The following PRDM16 variants were observed in gnomAD, a reference collection of about 807,000 sequenced individuals.
PRDM16 encodes the protein PR/SET domain 16, also known as histone-lysine N-methyltransferase PRDM16.
PRDM16 carries 23 observed loss-of-function variants against 110.6 expected under a neutral mutation model. That is an observed-to-expected ratio of 0.21 (90% CI 0.15 to 0.29). The LOEUF (loss-of-function observed/expected upper bound fraction) is 0.29, where lower values mean the gene tolerates loss of function less well. Ranked by LOEUF, PRDM16 falls within the 10% of genes least tolerant of loss-of-function variation. The probability of loss-of-function intolerance (pLI) is 1.00; values close to 1 mark genes in which losing one functional copy is unlikely to be tolerated. For missense variants in PRDM16, 1,615 were observed against 1,794.3 expected (o/e 0.90, Z 1.81); for synonymous variants, 799 against 781.8 (o/e 1.02, Z -0.37).
Position 3,175,195 on chromosome 1 carries a change from A to C in PRDM16, c.38-10930A>C, listed in dbSNP as rs1644071305. On this transcript the variant is annotated intron_variant, in intron 1 of 16. Transcript: ENST00000270722. The surrounding 1 kb of genome is among the most constrained non-coding windows in gnomAD (Gnocchi z 4.8). ...CAGAAGAACAAGATAGAACTCCATCAGTTCCCAAGTTTCTCTTTCTAGCAA... is the reference window on the plus strand; with the variant it reads ...CAGAAGAACAAGATAGAACTCCATCCGTTCCCAAGTTTCTCTTTCTAGCAA... Among the ~76,000 whole-genome samples the C allele has an allele frequency of 6.6e-6, 1 of 152,232 alleles. No individual in the cohort carries two copies. The highest frequency in any genetic ancestry group is 2.4e-5 in the African/African-American group (1 of 41,472).
chr1:3,231,031 C>T (rs1016933438), intron 2 of PRDM16, among the ~76,000 whole-genome samples: 1 of 152,144 alleles, frequency 6.6e-6, no homozygotes, highest in African/African-American at 2.4e-5. Flanking sequence ...GACATGAGTG[C>T]CCTCTTATCT....
intron 3 of PRDM16, among the ~76,000 whole-genome samples, chr1:3,372,456 GAC>G (rs1329522470): frequency 6.6e-6 from 1 of 152,228 alleles, no homozygotes. Context: ...TTATGAATGT[GAC>G]ACTTCCCAGG....
intron 3 of PRDM16, among the ~76,000 whole-genome samples, chr1:3,352,446 G>A (rs1267458949): frequency 6.6e-6 from 1 of 152,210 alleles, no homozygotes; most frequent in Non-Finnish European, 1.5e-5. Context: ...AGTGGGCTGG[G>A]GGAGGGGACA....
At chr1:3,077,220 C>T (rs1641919197) in intron 1 of PRDM16, among the ~76,000 whole-genome samples, 1 of 152,204 alleles carries the variant, frequency 6.6e-6, no homozygotes, top group South Asian at 2.1e-4. Context: ...GGCGAGGTCT[C>T]CCGTGGGCCC....
At chr1:3,156,060 C>T (rs1294843609) in intron 1 of PRDM16, among the ~76,000 whole-genome samples, 2 of 152,166 alleles carry the variant, frequency 1.3e-5, no homozygotes, top group African/African-American at 4.8e-5. Flanking sequence ...TAATCCAGGA[C>T]CATTTGCAAA....
chr1:3,365,730 G>A (rs536553539), intron 3 of PRDM16, among the ~76,000 whole-genome samples: 47 of 152,318 alleles, frequency 3.1e-4, no homozygotes, highest in Non-Finnish European at 2.6e-4. Flanking sequence ...ACCTCGCCGC[G>A]GCCTCGTTTC....
In PRDM16 at chr1:3,364,273, G is replaced by A. The variant is rs532394648; in HGVS notation, c.439-20879G>A. On this transcript the variant is annotated intron_variant, in intron 3 of 16. Transcript: ENST00000270722. The stretch of plus-strand genomic sequence containing the variant: ...TTTCCTTCGGCGTGAGGTCCTGGGC[G>A]GAGGTCTGTATTGTGGGTGGTTTAT... Among the ~76,000 whole-genome samples the A allele has an allele frequency of 1.4e-3, 213 of 152,348 alleles. 1 individual carries two copies. The highest frequency in any genetic ancestry group is 4.7e-3 in the African/African-American group (196 of 41,570).
intron 3 of PRDM16, among the ~76,000 whole-genome samples, chr1:3,273,994 A>G (rs1640526370): frequency 6.6e-6 from 1 of 151,408 alleles, no homozygotes; most frequent in East Asian, 1.9e-4. Flanking sequence ...AAAAAAAAAA[A>G]AAAAAGCCAC....
chr1:3,211,099 T>G (rs1638872665), intron 2 of PRDM16, among the ~76,000 whole-genome samples: 1 of 152,238 alleles, frequency 6.6e-6, no homozygotes, highest in Admixed American at 6.5e-5. Flanking sequence ...ATTCACCCAC[T>G]AGGCATCTAT....
intron 4 of PRDM16, among the ~76,000 whole-genome samples, chr1:3,385,658 A>C (rs760532488): frequency 3.9e-5 from 6 of 152,234 alleles, no homozygotes; most frequent in Non-Finnish European, 7.3e-5. Flanking sequence ...GAGCAGGAAC[A>C]GTCACTGAAA....
At chr1:3,360,850 G>A (rs952858446) in intron 3 of PRDM16, among the ~76,000 whole-genome samples, 9 of 152,230 alleles carry the variant, frequency 5.9e-5, no homozygotes, top group Admixed American at 3.9e-4. Flanking sequence ...CTCAGGCCCT[G>A]CTGGGACCAG....
At chr1:3,260,959 C>T (rs564211735) in intron 3 of PRDM16, among the ~76,000 whole-genome samples, 122 of 151,054 alleles carry the variant, frequency 8.1e-4, no homozygotes, top group African/African-American at 2.7e-3. Context: ...CATCAACCAG[C>T]GTGACCTGGG....
In PRDM16 at chr1:3,152,354, ATCCATC is replaced by A. The variant is rs1179319294; in HGVS notation, c.38-33770_38-33765del. Among the ~76,000 whole-genome samples the A allele has an allele frequency of 5.7e-5, 5 of 87,482 alleles. No homozygotes were observed. The East Asian group carries it at 1.1e-3, about 20-fold the overall frequency. The allele number at this position is 87,482 out of a possible 152,430, so 57.4% of individuals were successfully genotyped here. A position where few individuals can be genotyped will look rare whatever the true frequency, so the allele number is the denominator to read the frequency against. On this transcript the variant is annotated intron_variant, in intron 1 of 16. Transcript: ENST00000270722. ...CATCCATTTATCTATGCATTCATCC[ATCCATC>A]CATCCATCCATCCATCCATCCATTT...
chr1:3,353,413 A>G lies in PRDM16; in HGVS notation c.439-31739A>G, dbSNP rs917078940. On this transcript the variant is annotated intron_variant, in intron 3 of 16. Transcript: ENST00000270722. This position sits in a 1 kb window ranked among gnomAD's most constrained non-coding sequence, Gnocchi z 5.4. ...CATCTGAAATTGGACCCGAATGCGC[A>G]TGGGGACACCATCCTGCAGCCTCTG... Among the ~76,000 whole-genome samples the G allele has an allele frequency of 7.9e-5, 12 of 152,124 alleles. No individual in the cohort carries two copies. Among genetic ancestry groups the G allele is most frequent in the African/African-American group, 2.9e-4 (12 of 41,426 alleles).
intron 3 of PRDM16, among the ~76,000 whole-genome samples, chr1:3,379,049 C>T (rs1429559205): frequency 6.6e-6 from 1 of 151,120 alleles, no homozygotes; most frequent in Non-Finnish European, 1.5e-5. Flanking sequence ...CCCCTCCCAG[C>T]GCGCCCTTCC....
At chr1:3,223,127 T>C (rs992415003) in intron 2 of PRDM16, among the ~76,000 whole-genome samples, 1 of 146,752 alleles carries the variant, frequency 6.8e-6, no homozygotes, top group Non-Finnish European at 1.5e-5. Flanking sequence ...TTTTTTTTTT[T>C]TGAGACAGAG....
At chr1:3,224,605 G>A (rs75614315) in intron 2 of PRDM16, among the ~76,000 whole-genome samples, 2,092 of 152,322 alleles carry the variant, frequency 0.014, 21 homozygotes, top group Middle Eastern at 0.054. Context: ...GAGAAAACGT[G>A]CTCCGGTCTG....
chr1:3,333,629 G>A (rs1037671102), intron 3 of PRDM16, among the ~76,000 whole-genome samples: 14 of 147,248 alleles, frequency 9.5e-5, no homozygotes, highest in Non-Finnish European at 1.8e-4. Context: ...GAGCCATCGC[G>A]GCTAAGGTCA....
chr1:3,074,570 C>A (rs576297627), intron 1 of PRDM16, among the ~76,000 whole-genome samples: 1 of 151,110 alleles, frequency 6.6e-6, no homozygotes, highest in Non-Finnish European at 1.5e-5. Flanking sequence ...GCTGGACTCC[C>A]GCTGGGCTCC....
Sources: allele counts gnomAD v4.1 joint callset (sites outside exome capture counted in the v4.1 genomes callset), GRCh38; gene constraint gnomAD v4.1.1; non-coding constraint Gnocchi (gnomAD v3.1); transcripts MANE v1.5; gene names NCBI Gene and HGNC (gene_info 2026-07-23, HGNC 2026-07-21).